The following CSMD2 variants were observed in gnomAD, a reference collection of about 807,000 sequenced individuals.
CSMD2 encodes CUB and Sushi multiple domains 2, also known as CUB and sushi domain-containing protein 2.
A neutral mutation model predicts 398.5 loss-of-function variants in CSMD2; 130 were observed. The ratio of observed to expected loss-of-function variants is 0.33; its 90% CI spans 0.28 to 0.38. CSMD2 has a LOEUF of 0.38. CSMD2 is among the 10% of genes least tolerant of loss of function. The pLI is 1.00. For synonymous variants in CSMD2, 1,828 were observed against 1,908.5 expected (o/e 0.96, Z 1.10); for missense variants, 3,829 against 4,764.9 (o/e 0.80, Z 5.78).
intron 29 of CSMD2, among the ~76,000 whole-genome samples, chr1:33,642,693 T>G (rs534953909): frequency 1.3e-5 from 2 of 152,240 alleles, no homozygotes; most frequent in African/African-American, 2.4e-5. Context: ...CCTTTTAGCT[T>G]AAGTTACTTA....
At chr1:33,705,134 T>C (rs1238044717) in intron 22 of CSMD2, among the ~76,000 whole-genome samples, 1 of 152,264 alleles carries the variant, frequency 6.6e-6, no homozygotes, top group East Asian at 1.9e-4. Flanking sequence ...AATTGATAAA[T>C]TATAGCTGAA....
chr1:33,970,366 C>G (rs543228170), intron 3 of CSMD2, among the ~76,000 whole-genome samples: 3 of 152,106 alleles, frequency 2.0e-5, no homozygotes, highest in Admixed American at 6.5e-5. Context: ...TCAGGAATCC[C>G]TGTGTCCGCA....
At chr1:33,644,910 A>T (rs1009090694) in intron 29 of CSMD2, among the ~76,000 whole-genome samples, 3 of 152,190 alleles carry the variant, frequency 2.0e-5, no homozygotes, top group Non-Finnish European at 2.9e-5. Context: ...CAGCCCCGTG[A>T]GGCAAGAAGA....
At position 33,857,787 on chromosome 1, in the gene CSMD2, G is replaced by A. The variant is rs187945660; in HGVS notation, c.921-10791C>T. On this transcript the variant is annotated intron_variant, in intron 5 of 70. Transcript: ENST00000373381. ...GGGACAATTCTCCAAAAGAAGGAAT[G>A]TGCTCAAAAGAAGTGAGGAGTGCTA... Among the ~76,000 whole-genome samples the A allele has an allele frequency of 1.9e-3, 294 of 152,276 alleles. 1 individual carries two copies. Among genetic ancestry groups the A allele is most frequent in the Non-Finnish European group, 3.1e-3 (210 of 68,010 alleles).
intron 3 of CSMD2, among the ~76,000 whole-genome samples, chr1:33,972,085 G>A (rs1310309610): frequency 2.6e-5 from 4 of 152,188 alleles, no homozygotes; most frequent in Admixed American, 6.5e-5. Context: ...CTGGGGCAGG[G>A]ACCGCGGGAG....
chr1:34,004,238 G>A (rs970827655), intron 3 of CSMD2, among the ~76,000 whole-genome samples: 4 of 152,210 alleles, frequency 2.6e-5, no homozygotes, highest in African/African-American at 7.2e-5. Flanking sequence ...AGATGAATGA[G>A]GTCCCAGTGA....
chr1:33,525,949 G>A (rs987570863), intron 65 of CSMD2, among the ~76,000 whole-genome samples: 1 of 152,150 alleles, frequency 6.6e-6, no homozygotes, highest in Non-Finnish European at 1.5e-5. Flanking sequence ...CTCCCAAAGC[G>A]CTGGGATTAC....
At position 33,846,927 on chromosome 1, in the gene CSMD2, C is replaced by G; in HGVS notation, c.990G>C (p.Ser330=). 5 of 1,609,798 alleles carry G rather than the reference C, an allele frequency of 3.1e-6. No individual in the cohort carries two copies. The highest frequency in any genetic ancestry group is 4.5e-5 in the East Asian group (2 of 44,442). ...SKNWLRLHFT[S]DGNHRQRGFS... ...ATCCGCGCTGCCGGTGGTTGCCATC[C>G]GATGTGAAGTGCAGTCGCAGCCAGT... The change falls in exon 6 of 71, where the codon TCG becomes TCC. Residue 330 remains serine (S), a synonymous_variant. Coordinates refer to ENST00000373381, the MANE Select transcript of CSMD2 (RefSeq NM_001281956.2).
chr1:33,821,008 T>C (rs1658081053), intron 7 of CSMD2, among the ~76,000 whole-genome samples: 1 of 152,162 alleles, frequency 6.6e-6, no homozygotes, highest in African/African-American at 2.4e-5. Flanking sequence ...GGTGGGTGCA[T>C]GATCAGAAAC....
chr1:33,684,650 CT>C (rs1439939411), intron 25 of CSMD2, among the ~76,000 whole-genome samples: 3 of 152,226 alleles, frequency 2.0e-5, no homozygotes, highest in African/African-American at 7.2e-5. Context: ...CATATCCCCC[CT>C]AGACAATGAG....
chr1:33,909,722 A>T (rs1358269817), intron 5 of CSMD2, among the ~76,000 whole-genome samples: 1 of 152,188 alleles, frequency 6.6e-6, no homozygotes, highest in African/African-American at 2.4e-5. Context: ...ATGACCGCTC[A>T]TGGTCCTGCC....
At chr1:33,963,593 C>T (rs889609429) in intron 3 of CSMD2, among the ~76,000 whole-genome samples, 4 of 152,158 alleles carry the variant, frequency 2.6e-5, no homozygotes, top group Admixed American at 6.5e-5. Flanking sequence ...CCCCAGGCAA[C>T]AACTGATCTG....
chr1:33,693,147 T>A (rs1571243052), intron 24 of CSMD2, 91 bp from the exon 25 acceptor site: 1 of 1,401,908 alleles, frequency 7.1e-7, no homozygotes, highest in East Asian at 2.5e-5. Flanking sequence ...TGCTCTTGAG[T>A]CCCTTCCCTC....
chr1:33,821,568 A>G (rs1658160424), intron 7 of CSMD2, among the ~76,000 whole-genome samples: 1 of 152,096 alleles, frequency 6.6e-6, no homozygotes, highest in African/African-American at 2.4e-5. Flanking sequence ...TGTCCCTCCC[A>G]TCCCATTCAA....
intron 27 of CSMD2, 92 bp downstream of exon 27, chr1:33,657,854 C>A: frequency 7.9e-7 from 1 of 1,271,168 alleles, no homozygotes; most frequent in Non-Finnish European, 1.1e-6. Context: ...CTCTTGGCCC[C>A]AGGCCCAAGA....
At chr1:33,943,323 C>A (rs1050906385) in intron 3 of CSMD2, among the ~76,000 whole-genome samples, 5 of 152,184 alleles carry the variant, frequency 3.3e-5, no homozygotes, top group Non-Finnish European at 5.9e-5. Flanking sequence ...GTCCTCTCTA[C>A]CTTTTCTCTC....
intron 3 of CSMD2, among the ~76,000 whole-genome samples, chr1:34,004,243 C>T (rs1392844291): frequency 6.6e-6 from 1 of 152,224 alleles, no homozygotes; most frequent in African/African-American, 2.4e-5. Context: ...AATGAGGTCC[C>T]AGTGACACTG....
At position 34,076,942 on chromosome 1, in the gene CSMD2, T is replaced by A. The variant is rs1489700761; in HGVS notation, c.404+12035A>T. Among the ~76,000 whole-genome samples the A allele has an allele frequency of 1.8e-3, 184 of 103,880 alleles. 1 individual carries two copies. The highest frequency in any genetic ancestry group is 6.5e-3 in the African/African-American group (153 of 23,368). The allele number at this position is 103,880 out of a possible 152,430, so 68.1% of individuals were successfully genotyped here. ...AAAAAAAAAAAAATATATATATATA[T>A]ATATATATATATATAGAAGGCTTGA... On this transcript the variant is annotated intron_variant, in intron 2 of 70. Transcript: ENST00000373381.
intron 22 of CSMD2, among the ~76,000 whole-genome samples, chr1:33,702,306 T>C (rs1328105668): frequency 6.6e-6 from 1 of 152,194 alleles, no homozygotes; most frequent in East Asian, 1.9e-4. Flanking sequence ...TAATTGGAAA[T>C]TTAAACCCTC....
Sources: gnomAD v4.1 joint callset for allele counts (sites outside exome capture counted in the v4.1 genomes callset) on GRCh38, gnomAD v4.1.1 for gene constraint, MANE v1.5 for transcripts, NCBI Gene and HGNC (gene_info 2026-07-23, HGNC 2026-07-21) for gene names.